GABRR2: variants seen among roughly 807,000 people sequenced by gnomAD.
GABRR2 encodes gamma-aminobutyric acid receptor subunit rho-2.
Under a neutral mutation model 47.0 loss-of-function variants are expected in GABRR2, and 36 were observed. The observed-to-expected ratio is 0.77, with a 90% CI of 0.59 to 1.01. GABRR2 has a LOEUF of 1.01. Ranked by LOEUF, GABRR2 falls within the 50% of genes least tolerant of loss-of-function variation. The probability of loss-of-function intolerance (pLI) is 0.00; values close to 1 mark genes in which losing one functional copy is unlikely to be tolerated. For synonymous variants in GABRR2, 204 were observed against 227.5 expected (o/e 0.90, Z 0.93); for missense variants, 587 against 594.6 (o/e 0.99, Z 0.13).
rs79182956 is a variant in GABRR2 at position 89,274,596 on chromosome 6, G to T, written c.221-2874C>A. ...TAAGAGAGGGGCTGGGCTGGGTGAA[G>T]TGGCTCACATCAGTAATCCCAACAC... is the stretch of plus-strand genomic sequence containing the variant. On this transcript the variant is annotated intron_variant, in intron 2 of 8. Transcript: ENST00000402938. Among the ~76,000 whole-genome samples, 1,270 of 152,262 alleles carry T rather than the reference G, an allele frequency of 8.3e-3. 10 individuals carry two copies. The highest frequency in any genetic ancestry group is 0.024 in the South Asian group (116 of 4,812).
intron 8 of GABRR2, among the ~76,000 whole-genome samples, chr6:89,262,174 A>G (rs561193697): frequency 2.6e-5 from 4 of 152,316 alleles, no homozygotes; most frequent in South Asian, 2.1e-4. Flanking sequence ...TAGACCATCA[A>G]TCATGGACCA....
At chr6:89,269,461 A>C in intron 3 of GABRR2, 1 of 545,578 alleles carries the variant, frequency 1.8e-6, no homozygotes, top group South Asian at 2.1e-5. Flanking sequence ...CCAGCCCCTC[A>C]GGCTTTGCAA....
chr6:89,288,535 A>T (rs1774372942), intron 2 of GABRR2, among the ~76,000 whole-genome samples: 1 of 152,218 alleles, frequency 6.6e-6, no homozygotes, highest in Non-Finnish European at 1.5e-5. Context: ...TGCACAGCTG[A>T]GCCCGGTCAA....
chr6:89,311,052 T>TCA (rs200074637), intron 1 of GABRR2, among the ~76,000 whole-genome samples: 13 of 151,928 alleles, frequency 8.6e-5, no homozygotes, highest in South Asian at 4.2e-4. Context: ...CAAGGAGCTT[T>TCA]CACACACACA....
intron 1 of GABRR2, among the ~76,000 whole-genome samples, chr6:89,313,152 G>A (rs1191002274): frequency 2.0e-5 from 3 of 152,188 alleles, no homozygotes; most frequent in African/African-American, 7.2e-5. Context: ...AGCAGGCCGT[G>A]TGACTTACTC....
intron 1 of GABRR2, among the ~76,000 whole-genome samples, chr6:89,312,098 G>T (rs1480105414): frequency 6.6e-6 from 1 of 152,230 alleles, no homozygotes; most frequent in Non-Finnish European, 1.5e-5. Flanking sequence ...GAGACCTGCA[G>T]GGGCCTGACA....
At chr6:89,308,107 G>A (rs1411426615) in intron 1 of GABRR2, among the ~76,000 whole-genome samples, 6 of 152,128 alleles carry the variant, frequency 3.9e-5, no homozygotes, top group East Asian at 3.9e-4. Flanking sequence ...GAGCCACCGC[G>A]CTCGGCCTTC....
intron 2 of GABRR2, among the ~76,000 whole-genome samples, chr6:89,282,575 C>T (rs1350903102): frequency 6.6e-6 from 1 of 152,164 alleles, no homozygotes; most frequent in Non-Finnish European, 1.5e-5. Flanking sequence ...CATGAAGATG[C>T]GACTGTTTGT....
At chr6:89,311,443 T>G (rs1036778748) in intron 1 of GABRR2, among the ~76,000 whole-genome samples, 2 of 152,158 alleles carry the variant, frequency 1.3e-5, no homozygotes, top group African/African-American at 4.8e-5. Flanking sequence ...CTTGGGCTAT[T>G]TGTATGAGCC....
At chr6:89,309,557 A>C (rs1767641366) in intron 1 of GABRR2, among the ~76,000 whole-genome samples, 1 of 152,208 alleles carries the variant, frequency 6.6e-6, no homozygotes, top group Admixed American at 6.5e-5. Flanking sequence ...TATATTATTT[A>C]AACATTTCCT....
chr6:89,271,776 T>G (rs1774058977), intron 2 of GABRR2, 54 bp from the exon 3 acceptor site: 9 of 1,524,466 alleles, frequency 5.9e-6, no homozygotes, highest in Non-Finnish European at 8.1e-6. Flanking sequence ...ACCTTTGGGC[T>G]GGGAACAGCC....
chr6:89,256,431 G>T lies in GABRR2; in HGVS notation c.*1239C>A, dbSNP rs540712107. On this transcript the variant is annotated 3_prime_UTR_variant, in exon 9 of 9. Coordinates refer to ENST00000402938, the MANE Select transcript of GABRR2 (RefSeq NM_002043.5). ...ACCTAGTGCAGAGATACTTTAAAAT[G>T]TTTATTGCCTGAATATATAATAGTA... 3.4e-4 allele frequency among the ~76,000 whole-genome samples: 52 copies of T among 152,156 alleles called. No individual in the cohort carries two copies. The South Asian group carries it at 0.011, about 32-fold the overall frequency.
At position 89,264,429 on chromosome 6, in the gene GABRR2, G is replaced by A. The variant is rs779408316; in HGVS notation, c.1069C>T (p.Arg357Trp). ...CCTCTCACCTTCTCCCGCAGCTTCC[G>A]TTCCTTGCGCTCCTGCACGGTGGTC... Reference protein sequence around the residue: ...YLTTVQERKERKLREKFPCMC... With the variant: ...YLTTVQERKEWKLREKFPCMC... The change falls in exon 8 of 9, where the codon CGG becomes TGG. Residue 357 changes from arginine to tryptophan, a missense_variant. By Grantham distance (101) the Arg-to-Trp change is moderately radical. Transcript: ENST00000402938. 3.3e-5 allele frequency: 54 copies of A among 1,613,646 alleles called. 1 individual carries two copies. Among genetic ancestry groups the A allele is most frequent in the East Asian group, 4.5e-5 (2 of 44,882 alleles).
Position 89,268,997 on chromosome 6 carries a change from C to T in GABRR2, c.512+14G>A. 6.2e-7 allele frequency: 1 copy of T among 1,609,328 alleles called. No individual in the cohort carries two copies. The highest frequency in any genetic ancestry group is 8.5e-7 in the Non-Finnish European group (1 of 1,175,652). ...AGGCACTGGACAGAGGAACAATGGC[C>T]CCCAGACAGCTACCTCATGCTGTAC... On this transcript the variant is annotated intron_variant, in intron 4 of 8. Coordinates refer to ENST00000402938, the MANE Select transcript of GABRR2 (RefSeq NM_002043.5).
chr6:89,304,744 G>A (rs533409530), intron 1 of GABRR2, among the ~76,000 whole-genome samples: 71 of 152,126 alleles, frequency 4.7e-4, no homozygotes, highest in African/African-American at 1.6e-3. Flanking sequence ...ATGAGATACC[G>A]TCTCACACCA....
At chr6:89,304,144 T>C (rs983913287) in intron 1 of GABRR2, among the ~76,000 whole-genome samples, 1 of 152,044 alleles carries the variant, frequency 6.6e-6, no homozygotes, top group African/African-American at 2.4e-5. Context: ...ACAAAAAAAG[T>C]ATCAACATAG....
intron 1 of GABRR2, among the ~76,000 whole-genome samples, chr6:89,300,945 A>G (rs1767413180): frequency 6.6e-6 from 1 of 152,098 alleles, no homozygotes; most frequent in Non-Finnish European, 1.5e-5. Flanking sequence ...CACAAAAGAA[A>G]GCTTTAGGCC....
intron 2 of GABRR2, among the ~76,000 whole-genome samples, chr6:89,296,681 A>G (rs1441092535): frequency 6.6e-6 from 1 of 152,242 alleles, no homozygotes; most frequent in Non-Finnish European, 1.5e-5. Flanking sequence ...GGCCCAGCAG[A>G]TGCAGTGGTC....
At chr6:89,300,856 G>T (rs1767411536) in intron 1 of GABRR2, among the ~76,000 whole-genome samples, 1 of 151,476 alleles carries the variant, frequency 6.6e-6, no homozygotes, top group South Asian at 2.1e-4. Flanking sequence ...AAAAAATTGA[G>T]GAGGCGGGAC....
Sources: allele counts gnomAD v4.1 joint callset (sites outside exome capture counted in the v4.1 genomes callset), GRCh38; gene constraint gnomAD v4.1.1; transcripts MANE v1.5; gene names NCBI Gene and HGNC (gene_info 2026-07-23, HGNC 2026-07-21).